BZW2: variants seen among roughly 807,000 people sequenced by gnomAD.
BZW2 encodes eIF5-mimic protein 1.
BZW2 carries 23 observed loss-of-function variants against 53.2 expected under a neutral mutation model. The ratio of observed to expected loss-of-function variants is 0.43; its 90% CI spans 0.31 to 0.61. The LOEUF is 0.61. Among genes scored for constraint, BZW2 ranks in the 20% least tolerant of loss-of-function variants. BZW2 has a pLI of 0.09. For synonymous variants in BZW2, 227 were observed against 186.4 expected (o/e 1.22, Z -1.77); for missense variants, 409 against 503.1 (o/e 0.81, Z 1.79).
At chr7:16,701,083 A>C (rs1783652428) in intron 10 of BZW2, among the ~76,000 whole-genome samples, 2 of 152,194 alleles carry the variant, frequency 1.3e-5, no homozygotes, top group Non-Finnish European at 2.9e-5. Flanking sequence ...TTACATAAAT[A>C]ACAGTGGAAT....
At chr7:16,678,513 G>T in intron 3 of BZW2, among the ~76,000 whole-genome samples, 1 of 152,106 alleles carries the variant, frequency 6.6e-6, no homozygotes. Context: ...AAATTTTAAT[G>T]CAAGATGTAG....
intron 1 of BZW2, among the ~76,000 whole-genome samples, chr7:16,654,888 A>C (rs1367662747): frequency 6.6e-6 from 1 of 152,148 alleles, no homozygotes; most frequent in Non-Finnish European, 1.5e-5. Context: ...ACTGAAAGTT[A>C]GACTGATAGA....
chr7:16,688,604 A>G (rs1012738696), intron 6 of BZW2: 4 of 152,246 alleles, frequency 2.6e-5, no homozygotes, highest in African/African-American at 9.6e-5. Flanking sequence ...GGTAAAGAGA[A>G]TAGAGGCTGC....
intron 5 of BZW2, among the ~76,000 whole-genome samples, chr7:16,683,328 C>G (rs1024356931): frequency 9.9e-5 from 15 of 152,122 alleles, no homozygotes; most frequent in Non-Finnish European, 1.9e-4. Flanking sequence ...AGATCATTAG[C>G]TAATAGCTAT....
At chr7:16,660,520 G>C (rs915447834) in intron 1 of BZW2, among the ~76,000 whole-genome samples, 5 of 151,636 alleles carry the variant, frequency 3.3e-5, no homozygotes, top group African/African-American at 1.2e-4. Context: ...ACCTGGCTTT[G>C]AAATTTGTGC....
chr7:16,670,270 C>G (rs757619126), intron 2 of BZW2, among the ~76,000 whole-genome samples: 2 of 152,102 alleles, frequency 1.3e-5, no homozygotes, highest in African/African-American at 4.8e-5. Context: ...GCTGGTAATT[C>G]TTTTGGAATG....
intron 7 of BZW2, among the ~76,000 whole-genome samples, chr7:16,693,713 C>T (rs1378615002): frequency 6.6e-6 from 1 of 152,148 alleles, no homozygotes. Flanking sequence ...AGATGTGGAG[C>T]AGTAGAGGAA....
intron 1 of BZW2, chr7:16,661,282 C>T (rs1782252980): frequency 1.3e-5 from 2 of 152,028 alleles, no homozygotes; most frequent in South Asian, 4.1e-4. Context: ...AGTTTCTTTC[C>T]AAAATGGAGA....
chr7:16,666,752 T>C (rs889495884), intron 2 of BZW2, among the ~76,000 whole-genome samples: 1 of 152,040 alleles, frequency 6.6e-6, no homozygotes. Flanking sequence ...TACTGCAGAC[T>C]CAACCTCCTG....
chr7:16,670,538 A>C (rs954467185), intron 2 of BZW2, among the ~76,000 whole-genome samples: 4 of 152,324 alleles, frequency 2.6e-5, no homozygotes, highest in Admixed American at 6.5e-5. Context: ...ATATAACAGC[A>C]TGTAGTTGTT....
intron 1 of BZW2, among the ~76,000 whole-genome samples, chr7:16,649,020 C>T (rs1356644354): frequency 6.6e-6 from 1 of 152,110 alleles, no homozygotes; most frequent in African/African-American, 2.4e-5. Context: ...TGCAACATGG[C>T]TACTGGTATC....
At chr7:16,661,438 C>G (rs1328212643) in intron 1 of BZW2, 1 of 151,908 alleles carries the variant, frequency 6.6e-6, no homozygotes, top group East Asian at 1.9e-4. Context: ...ACACCTGGGC[C>G]CAGAGTCTCA....
chr7:16,653,258 G>T (rs1168448256), intron 1 of BZW2, among the ~76,000 whole-genome samples: 1 of 152,138 alleles, frequency 6.6e-6, no homozygotes, highest in Non-Finnish European at 1.5e-5. Flanking sequence ...CTGTCTACCA[G>T]TCTAGGCCTT....
At chr7:16,697,935 C>A in intron 9 of BZW2, 113 bp from the exon 10 acceptor site, 1 of 1,331,368 alleles carries the variant, frequency 7.5e-7, no homozygotes, top group South Asian at 1.4e-5. Flanking sequence ...AGGTGTCAAT[C>A]CTGAAAGTCA....
intron 10 of BZW2, chr7:16,700,673 C>T (rs1160325558): frequency 6.6e-6 from 1 of 152,116 alleles, no homozygotes; most frequent in Non-Finnish European, 1.5e-5. Context: ...GTATAGCATT[C>T]AAGAAGCAAC....
At chr7:16,682,238 C>A (rs1782967946) in intron 4 of BZW2, among the ~76,000 whole-genome samples, 1 of 152,190 alleles carries the variant, frequency 6.6e-6, no homozygotes, top group Admixed American at 6.5e-5. Context: ...ATAAAAACAT[C>A]ATTCCACTTA....
intron 10 of BZW2, among the ~76,000 whole-genome samples, chr7:16,699,059 C>G (rs991984515): frequency 6.6e-6 from 1 of 152,064 alleles, no homozygotes; most frequent in Non-Finnish European, 1.5e-5. Flanking sequence ...TTTAAAAATG[C>G]TTAATAGCAT....
chr7:16,704,862 A>G (rs1783784692), intron 11 of BZW2, among the ~76,000 whole-genome samples, 193 bp downstream of exon 11: 1 of 152,242 alleles, frequency 6.6e-6, no homozygotes, highest in Non-Finnish European at 1.5e-5. Context: ...TACATGTAAA[A>G]ACAAAGAAAG....
intron 6 of BZW2, among the ~76,000 whole-genome samples, chr7:16,689,299 T>A (rs541669136): frequency 6.6e-6 from 1 of 152,328 alleles, no homozygotes; most frequent in South Asian, 2.1e-4. Flanking sequence ...ATGATATGTG[T>A]TCATCTATTC....
Sources: allele counts gnomAD v4.1 joint callset (sites outside exome capture counted in the v4.1 genomes callset), GRCh38; gene constraint gnomAD v4.1.1; transcripts MANE v1.5; gene names NCBI Gene and HGNC (gene_info 2026-07-23, HGNC 2026-07-21).